KMT5C: variants seen among roughly 807,000 people sequenced by gnomAD.
KMT5C encodes the protein histone-lysine N-methyltransferase KMT5C.
In KMT5C, 16 loss-of-function variants were observed where a neutral mutation model predicts 38.2. The observed-to-expected ratio is 0.42, with a 90% CI of 0.28 to 0.64. The LOEUF (loss-of-function observed/expected upper bound fraction) is 0.64. Ranked by LOEUF, KMT5C falls within the 30% of genes least tolerant of loss-of-function variation. The probability of loss-of-function intolerance (pLI) is 0.23; values close to 1 mark genes in which losing one functional copy is unlikely to be tolerated. For synonymous variants in KMT5C, 291 were observed against 279.0 expected, an observed-to-expected ratio of 1.04 and a Z score of -0.43; for missense variants, 598 against 665.1, an observed-to-expected ratio of 0.90 and a Z score of 1.11.
At position 55,346,445 on chromosome 19, in the gene KMT5C, C is replaced by T; in HGVS notation, c.708-55C>T. The T allele has an allele frequency of 2.5e-6, 4 of 1,603,690 alleles. No individual in the cohort carries two copies. The South Asian group carries it at 4.4e-5, about 18-fold the overall frequency. On this transcript the variant is annotated intron_variant, in intron 7 of 8. Coordinates refer to ENST00000255613, the MANE Select transcript of KMT5C (RefSeq NM_032701.4). ...ACCCATCCCTGAGTGTGTCCAACCC[C>T]AGCCTCTCATCTCCCTTCCACCCGG...
rs180735496 is a variant in KMT5C at position 55,343,355 on chromosome 19, C to T, written c.387-325C>T. ...GCACCCGCCTGAGGGTCTGGTGGGGCGAGTAGGGGGTAGTCCAGGCAGGAG... is the reference window on the plus strand; with the variant it reads ...GCACCCGCCTGAGGGTCTGGTGGGGTGAGTAGGGGGTAGTCCAGGCAGGAG... On this transcript the variant is annotated intron_variant, in intron 4 of 8. Coordinates refer to ENST00000255613, the MANE Select transcript of KMT5C (RefSeq NM_032701.4). This position sits in a 1 kb window ranked among gnomAD's most constrained non-coding sequence, Gnocchi z 5.5. 7.8e-6 allele frequency: 3 copies of T among 386,922 alleles called. No homozygotes were observed. The highest frequency in any genetic ancestry group is 2.0e-5 in the African/African-American group (1 of 49,184). The allele number at this position is 386,922 out of a possible 1,614,324, so 24.0% of individuals were successfully genotyped here.
In KMT5C at chr19:55,343,908, G is replaced by A; in HGVS notation, c.550+65G>A. 6.2e-7 allele frequency: 1 copy of A among 1,606,994 alleles called. No individual in the cohort carries two copies. Among genetic ancestry groups the A allele is most frequent in the Non-Finnish European group, 8.5e-7 (1 of 1,174,260 alleles). Reference sequence around the variant, plus strand: ...CCAGGCAGGGCTGGAGGGGTGTAGTGGGAGGGTTCTGCGACTGAGCTGCCG... The same window carrying A: ...CCAGGCAGGGCTGGAGGGGTGTAGTAGGAGGGTTCTGCGACTGAGCTGCCG... On this transcript the variant is annotated intron_variant, in intron 5 of 8. Transcript: ENST00000255613. This position sits in a 1 kb window ranked among gnomAD's most constrained non-coding sequence, Gnocchi z 5.5.
chr19:55,346,325 A>T lies in KMT5C; in HGVS notation c.683A>T (p.His228Leu). The change falls in exon 7 of 9, where the codon CAC becomes CTC. Residue 228 changes from histidine to leucine, a missense_variant. By Grantham distance (99) the His-to-Leu change is moderately conservative. Coordinates refer to ENST00000255613, the MANE Select transcript of KMT5C (RefSeq NM_032701.4). Reference sequence around the variant, plus strand: ...GGCTTCTTCGGCGAGAAGAATGAGCACTGTGAATGCCACACCTGTGAGAGG... The same window carrying T: ...GGCTTCTTCGGCGAGAAGAATGAGCTCTGTGAATGCCACACCTGTGAGAGG... ...GEGFFGEKNE[H>L]CECHTCERKG... The T allele has an allele frequency of 6.2e-7, 1 of 1,614,072 alleles. No individual in the cohort carries two copies. The highest frequency in any genetic ancestry group is 8.5e-7 in the Non-Finnish European group (1 of 1,179,960).
intron 1 of KMT5C, among the ~76,000 whole-genome samples, chr19:55,340,672 C>T (rs1426900970): frequency 6.6e-6 from 1 of 151,988 alleles, no homozygotes; most frequent in East Asian, 1.9e-4. Flanking sequence ...TCACTGGACA[C>T]CCAGGATCTT....
intron 6 of KMT5C, among the ~76,000 whole-genome samples, chr19:55,345,539 G>C (rs571034346): frequency 6.6e-6 from 1 of 152,322 alleles, no homozygotes; most frequent in East Asian, 1.9e-4. Context: ...GCAGTGGCCG[G>C]TTGGTCTGGG....
rs753413035 is a variant in KMT5C, at chr19:55,343,874, G to A, written c.550+31G>A. 2.0e-5 allele frequency: 32 copies of A among 1,610,716 alleles called. No individual in the cohort carries two copies. Among genetic ancestry groups the A allele is most frequent in the Admixed American group, 1.8e-4 (11 of 59,954 alleles). Reference sequence around the variant, plus strand: ...GGTCAGGCAGGTGGATGGGCAGGACGGGATAGAGCCAGGCAGGGCTGGAGG... The same window carrying A: ...GGTCAGGCAGGTGGATGGGCAGGACAGGATAGAGCCAGGCAGGGCTGGAGG... On this transcript the variant is annotated intron_variant, in intron 5 of 8. Coordinates refer to ENST00000255613, the MANE Select transcript of KMT5C (RefSeq NM_032701.4). The surrounding 1 kb of genome is among the most constrained non-coding windows in gnomAD (Gnocchi z 5.5).
At chr19:55,345,419 G>A (rs1481906424) in intron 6 of KMT5C, among the ~76,000 whole-genome samples, 1 of 152,164 alleles carries the variant, frequency 6.6e-6, no homozygotes, top group East Asian at 1.9e-4. Flanking sequence ...TGGCAGGAAG[G>A]GGAGAGGCTG....
chr19:55,342,567 G>T (rs2123190228), intron 3 of KMT5C, 175 bp from the exon 4 acceptor site: 1 of 635,918 alleles, frequency 1.6e-6, no homozygotes, highest in East Asian at 2.7e-5. Context: ...GGGGCCCTCT[G>T]AGATGTAGTC....
chr19:55,346,255 C>T lies in KMT5C; in HGVS notation c.613C>T (p.Arg205Trp). ...DGNAACVKVL[R>W]DIEPGDEVTC... ...GAACGCAGCCTGCGTGAAGGTGCTCCGGGACATTGAGCCTGGGGACGAGGT... is the reference window on the plus strand; with the variant it reads ...GAACGCAGCCTGCGTGAAGGTGCTCTGGGACATTGAGCCTGGGGACGAGGT... Residue 205 changes from arginine (R) to tryptophan (W), a missense_variant, in exon 7 of 9, where the codon CGG (arginine) becomes TGG (tryptophan). Physicochemically the swap from Arg to Trp is moderately radical, Grantham distance 101 (BLOSUM62 -3). Coordinates refer to ENST00000255613, the MANE Select transcript of KMT5C (RefSeq NM_032701.4). The T allele has an allele frequency of 1.2e-6, 2 of 1,613,988 alleles. No homozygotes were observed. The highest frequency in any genetic ancestry group is 8.5e-7 in the Non-Finnish European group (1 of 1,179,964).
chr19:55,340,116 G>C (rs938184290), intron 1 of KMT5C, among the ~76,000 whole-genome samples, 159 bp downstream of exon 1: 1 of 146,280 alleles, frequency 6.8e-6, no homozygotes, highest in Non-Finnish European at 1.5e-5. Flanking sequence ...GCCGGGCCTC[G>C]GGCTCCGCGG....
rs117923849 is a variant in KMT5C at position 55,342,738 on chromosome 19, C to A, written c.277-4C>A. On this transcript the variant is annotated splice_polypyrimidine_tract_variant and splice_region_variant and intron_variant, in intron 3 of 8. Coordinates refer to ENST00000255613, the MANE Select transcript of KMT5C (RefSeq NM_032701.4). Reference sequence around the variant, plus strand: ...CTCCTCACCCCCACCCTCACCCTCACCAGGTCTATCGCTACCTCCGTGCCT... The same window carrying A: ...CTCCTCACCCCCACCCTCACCCTCAACAGGTCTATCGCTACCTCCGTGCCT... 5.0e-3 allele frequency: 7,827 copies of A among 1,566,120 alleles called. 29 individuals carry two copies. The highest frequency in any genetic ancestry group is 6.3e-3 in the Non-Finnish European group (7,152 of 1,136,572).
Position 55,346,665 on chromosome 19 carries a change from G to C in KMT5C, c.873G>C (p.Pro291=), listed in dbSNP as rs201014085. 1.6e-3 allele frequency: 2,473 copies of C among 1,570,886 alleles called. 23 individuals carry two copies. The highest frequency in any genetic ancestry group is 0.01 in the South Asian group (876 of 85,704). Reference sequence around the variant, plus strand: ...CTCGGGCCTGCGTGCACCCATCCCCGCTGCGCCGGGACCCATTCTGCGGTG... The same window carrying C: ...CTCGGGCCTGCGTGCACCCATCCCCCCTGCGCCGGGACCCATTCTGCGGTG... ...LGPRACVHPS[P]LRRDPFCAAC... Residue 291 remains proline, a synonymous_variant, in exon 8 of 9, where the codon CCG becomes CCC. Transcript: ENST00000255613.
chr19:55,347,815 G>A lies in KMT5C; in HGVS notation c.*366G>A, dbSNP rs1338253341. On this transcript the variant is annotated 3_prime_UTR_variant, in exon 9 of 9. Transcript: ENST00000255613. The surrounding 1 kb of genome is among the most constrained non-coding windows in gnomAD (Gnocchi z 4.6). ...ATCTCCCCAGAAGTACAGGCCTCAG[G>A]AGGAGGTGGAACTGATGTAGGGGGT... 2 of 239,756 alleles carry A rather than the reference G, an allele frequency of 8.3e-6. No homozygotes were observed. The highest frequency in any genetic ancestry group is 1.6e-5 in the Non-Finnish European group (2 of 125,696). The allele number at this position is 239,756 out of a possible 1,614,324, so 14.9% of individuals were successfully genotyped here.
chr19:55,341,859 C>T lies in KMT5C; in HGVS notation c.-78C>T. ...AGTAGCGTGGGAGTGGAGTCAGCAC[C>T]AAGCCAGGCTCCCCGCGCCTGCCTT... On this transcript the variant is annotated 5_prime_UTR_variant, in exon 2 of 9. Coordinates refer to ENST00000255613, the MANE Select transcript of KMT5C (RefSeq NM_032701.4). The T allele has an allele frequency of 8.7e-7, 1 of 1,145,398 alleles. No individual in the cohort carries two copies. The highest frequency in any genetic ancestry group is 1.3e-6 in the Non-Finnish European group (1 of 762,218). The allele number at this position is 1,145,398 out of a possible 1,614,324, so 71.0% of individuals were successfully genotyped here.
In KMT5C at chr19:55,346,269, T is replaced by TGG; in HGVS notation, c.630_631dup (p.Asp211GlyfsTer4). ...TGAAGGTGCTCCGGGACATTGAGCCTGGGGACGAGGTGACATGCTTCTACG... is the reference window on the plus strand; with the variant it reads ...TGAAGGTGCTCCGGGACATTGAGCCTGGGGGGACGAGGTGACATGCTTCTACG... On this transcript the variant is annotated frameshift_variant, in exon 7 of 9. Transcript: ENST00000255613. LOFTEE classifies it high-confidence loss of function. 6.2e-7 allele frequency: 1 copy of TGG among 1,614,002 alleles called. No homozygotes were observed. Among genetic ancestry groups the TGG allele is most frequent in the Non-Finnish European group, 8.5e-7 (1 of 1,179,952 alleles).
intron 1 of KMT5C, among the ~76,000 whole-genome samples, 172 bp downstream of exon 1, chr19:55,340,129 C>G (rs945117314): frequency 6.6e-6 from 1 of 151,732 alleles, no homozygotes; most frequent in African/African-American, 2.4e-5. Flanking sequence ...CTCCGCGGCA[C>G]TGCAGCCTCC....
At chr19:55,346,757 C>A (rs1161289702) in intron 8 of KMT5C, 70 bp downstream of exon 8, 7 of 1,321,238 alleles carry the variant, frequency 5.3e-6, no homozygotes, top group Non-Finnish European at 5.1e-6. Flanking sequence ...CTCCTTTCTT[C>A]TGAGCTCTCT....
Position 55,346,514 on chromosome 19 carries a change from C to A in KMT5C, c.722C>A (p.Ala241Asp). The change falls in exon 8 of 9, where the codon GCT becomes GAT. Residue 241 changes from alanine to aspartate, a missense_variant. Around this residue, in one of 3 missense-constraint regions of KMT5C, gnomAD observed 105 missense variants for 179.2 expected, o/e 0.59. Coordinates refer to ENST00000255613, the MANE Select transcript of KMT5C (RefSeq NM_032701.4). ...CGGTCTCCCAGGAAAGGTGAAGGAG[C>A]TTTCCGAACCAGGCCTAGGGAGCCC... is the stretch of plus-strand genomic sequence containing the variant. ...CHTCERKGEGAFRTRPREPAL... is the reference protein window; with the variant it reads ...CHTCERKGEGDFRTRPREPAL... The A allele has an allele frequency of 6.3e-7, 1 of 1,595,584 alleles. No homozygotes were observed. Among genetic ancestry groups the A allele is most frequent in the Non-Finnish European group, 8.5e-7 (1 of 1,171,660 alleles).
In KMT5C at chr19:55,342,794, C is replaced by T; in HGVS notation, c.329C>T (p.Pro110Leu). 1 of 1,613,668 alleles carries T rather than the reference C, an allele frequency of 6.2e-7. No homozygotes were observed. Among genetic ancestry groups the T allele is most frequent in the Non-Finnish European group, 8.5e-7 (1 of 1,179,634 alleles). The change falls in exon 4 of 9, where the codon CCC becomes CTC. Residue 110 changes from proline (P) to leucine (L), a missense_variant. By Grantham distance (98) the Pro-to-Leu change is moderately conservative (BLOSUM62 -3). This residue lies in a region of KMT5C where 167 missense variants were observed against 187.8 expected (regional missense o/e 0.89). Transcript: ENST00000255613. Reference sequence around the variant, plus strand: ...CCGGAAAGTGGCTTTACCATCCTGCCCTGCACGCGCTACTCCATGGAGACC... The same window carrying T: ...CCGGAAAGTGGCTTTACCATCCTGCTCTGCACGCGCTACTCCATGGAGACC... ...FLPESGFTIL[P>L]CTRYSMETNG...
Sources: allele counts gnomAD v4.1 joint callset (sites outside exome capture counted in the v4.1 genomes callset), GRCh38; gene constraint gnomAD v4.1.1; regional missense constraint gnomAD v4.1.1; non-coding constraint Gnocchi (gnomAD v3.1); transcripts MANE v1.5; gene names NCBI Gene and HGNC (gene_info 2026-07-23, HGNC 2026-07-21).